GABRG3: variants seen among roughly 807,000 people sequenced by gnomAD.
The protein encoded by GABRG3 is gamma-aminobutyric acid type A receptor subunit gamma3, also known as gamma-aminobutyric acid receptor subunit gamma-3.
Under a neutral mutation model 48.8 loss-of-function variants are expected in GABRG3, and 25 were observed. That is an observed-to-expected ratio of 0.51 (90% CI 0.37 to 0.72). The LOEUF (loss-of-function observed/expected upper bound fraction) is 0.72. Ranked by LOEUF, GABRG3 falls within the 30% of genes least tolerant of loss-of-function variation. The probability of loss-of-function intolerance (pLI) is 0.00; values close to 1 mark genes in which losing one functional copy is unlikely to be tolerated. For synonymous variants in GABRG3, 227 were observed against 217.6 expected, an observed-to-expected ratio of 1.04 and a Z score of -0.38; for missense variants, 394 against 577.9, an observed-to-expected ratio of 0.68 and a Z score of 3.26.
intron 5 of GABRG3, among the ~76,000 whole-genome samples, chr15:27,443,481 G>C (rs1376359579): frequency 1.3e-5 from 2 of 152,080 alleles, no homozygotes; most frequent in Non-Finnish European, 2.9e-5. Flanking sequence ...AATTCATTTT[G>C]AATCATATAT....
rs540463560 is a variant in GABRG3, at chr15:26,977,760, A to G, written c.202+610A>G. On this transcript the variant is annotated intron_variant, in intron 2 of 9. Coordinates refer to ENST00000615808, the MANE Select transcript of GABRG3 (RefSeq NM_033223.5). The stretch of plus-strand genomic sequence containing the variant: ...TTTTGATTGTTTCCTGTTTTTGTCT[A>G]TTGCAAATAAAATGACTGAGCACAT... 3.9e-5 allele frequency among the ~76,000 whole-genome samples: 6 copies of G among 152,216 alleles called. No homozygotes were observed. The South Asian group carries it at 1.2e-3, about 32-fold the overall frequency.
intron 3 of GABRG3, among the ~76,000 whole-genome samples, chr15:27,225,459 C>T (rs1214143017): frequency 2.0e-5 from 3 of 152,062 alleles, no homozygotes; most frequent in African/African-American, 4.8e-5. Context: ...TTTAGTCTGA[C>T]GATTTTACTT....
intron 3 of GABRG3, among the ~76,000 whole-genome samples, chr15:27,210,384 T>C (rs915926796): frequency 1.3e-5 from 2 of 152,216 alleles, no homozygotes; most frequent in African/African-American, 4.8e-5. Flanking sequence ...TCCTTTTGAC[T>C]CATGTAGTTT....
At chr15:27,461,626 G>C (rs924085723) in intron 5 of GABRG3, among the ~76,000 whole-genome samples, 1 of 152,176 alleles carries the variant, frequency 6.6e-6, no homozygotes. Flanking sequence ...ATATCCTGCC[G>C]GTTGGTCCAT....
intron 3 of GABRG3, among the ~76,000 whole-genome samples, chr15:27,307,000 A>AAACATATATC (rs1892559346): frequency 8.6e-6 from 1 of 116,372 alleles, no homozygotes; most frequent in Non-Finnish European, 1.6e-5. Flanking sequence ...GTTTATATAT[A>AAACATATATC]AACATGTATA....
intron 3 of GABRG3, among the ~76,000 whole-genome samples, chr15:27,218,473 G>A (rs1204805178): frequency 6.6e-6 from 1 of 152,180 alleles, no homozygotes; most frequent in Non-Finnish European, 1.5e-5. Flanking sequence ...ACATCCCAAA[G>A]TGACATATTT....
intron 2 of GABRG3, among the ~76,000 whole-genome samples, chr15:26,994,724 G>C (rs1895309076): frequency 6.6e-6 from 1 of 151,898 alleles, no homozygotes; most frequent in Non-Finnish European, 1.5e-5. Flanking sequence ...CTCATTGTTT[G>C]AGTGTGTTCT....
At chr15:27,228,622 C>T (rs1889700930) in intron 3 of GABRG3, among the ~76,000 whole-genome samples, 1 of 152,146 alleles carries the variant, frequency 6.6e-6, no homozygotes. Context: ...CTGCTTTTAG[C>T]TCTTTGAGGA....
At chr15:27,026,869 T>C in intron 3 of GABRG3, 48 bp downstream of exon 3, 1 of 1,301,054 alleles carries the variant, frequency 7.7e-7, no homozygotes, top group Non-Finnish European at 1.1e-6. Flanking sequence ...GCACCTCTTC[T>C]TGTTACATTC....
intron 6 of GABRG3, among the ~76,000 whole-genome samples, chr15:27,509,972 T>C (rs985923403): frequency 7.2e-5 from 11 of 152,190 alleles, no homozygotes; most frequent in Admixed American, 2.0e-4. Flanking sequence ...TTATGTATGC[T>C]TAGAAATAAG....
chr15:27,217,318 GC>G (rs1428491344), intron 3 of GABRG3, among the ~76,000 whole-genome samples: 1 of 152,150 alleles, frequency 6.6e-6, no homozygotes, highest in African/African-American at 2.4e-5. Flanking sequence ...GTCTCCTATG[GC>G]CCTTTGTAAT....
intron 3 of GABRG3, among the ~76,000 whole-genome samples, chr15:27,074,621 G>T (rs1416697276): frequency 6.6e-6 from 1 of 151,410 alleles, no homozygotes. Flanking sequence ...TACTCTGTGT[G>T]AATATATTCC....
At chr15:27,328,719 C>T (rs1473316176) in intron 4 of GABRG3, 87 bp from the exon 5 acceptor site, 7 of 1,089,614 alleles carry the variant, frequency 6.4e-6, no homozygotes, top group Admixed American at 1.8e-5. Flanking sequence ...GAACGGCCCT[C>T]TCCATCCCCA....
chr15:27,112,438 A>G (rs1362110270), intron 3 of GABRG3, among the ~76,000 whole-genome samples: 1 of 116,942 alleles, frequency 8.6e-6, no homozygotes, highest in Admixed American at 8.6e-5. Context: ...TACTTATTTC[A>G]TTGATTTTTT....
At chr15:27,190,816 G>A (rs1024333598) in intron 3 of GABRG3, among the ~76,000 whole-genome samples, 2 of 152,040 alleles carry the variant, frequency 1.3e-5, no homozygotes, top group East Asian at 1.9e-4. Flanking sequence ...TAATTGTGAT[G>A]TTAGGGTGTC....
chr15:27,080,290 GTAAA>G (rs3063256), intron 3 of GABRG3, among the ~76,000 whole-genome samples: 3 of 151,384 alleles, frequency 2.0e-5, no homozygotes, highest in Non-Finnish European at 2.9e-5. Context: ...TCTCTAATAA[GTAAA>G]TAAATAAATA....
chr15:27,416,400 G>A (rs1189691687), intron 5 of GABRG3, among the ~76,000 whole-genome samples: 2 of 152,138 alleles, frequency 1.3e-5, no homozygotes, highest in Non-Finnish European at 2.9e-5. Context: ...GTAGGGCTCT[G>A]ATAAGACCCC....
chr15:27,019,497 C>T (rs1378724738), intron 2 of GABRG3, among the ~76,000 whole-genome samples: 1 of 152,216 alleles, frequency 6.6e-6, no homozygotes. Context: ...TTTTAACTTC[C>T]TCTCTGTAAA....
chr15:27,470,236 TTCTC>T (rs1204424647), intron 5 of GABRG3, among the ~76,000 whole-genome samples: 1 of 151,764 alleles, frequency 6.6e-6, no homozygotes, highest in African/African-American at 2.4e-5. Context: ...TTTTCTTTCT[TTCTC>T]TCTCTTTTTT....
Sources: gnomAD v4.1 joint callset for allele counts (sites outside exome capture counted in the v4.1 genomes callset) on GRCh38, gnomAD v4.1.1 for gene constraint, MANE v1.5 for transcripts, NCBI Gene and HGNC (gene_info 2026-07-23, HGNC 2026-07-21) for gene names.